Variants in MYOM3 observed in about 807,000 individuals in gnomAD.
MYOM3 encodes the protein myomesin 3, also known as myomesin-3.
Under a neutral mutation model 191.7 loss-of-function variants are expected in MYOM3, and 155 were observed. The observed-to-expected ratio is 0.81, with a 90% CI of 0.71 to 0.92. The LOEUF (loss-of-function observed/expected upper bound fraction) is 0.92, where lower values mean the gene tolerates loss of function less well. MYOM3 is among the 40% of genes least tolerant of loss of function. The pLI is 0.00. For synonymous variants in MYOM3, 757 were observed against 762.9 expected (o/e 0.99, Z 0.13); for missense variants, 1,889 against 1,890.6 (o/e 1.00, Z 0.02).
intron 5 of MYOM3, among the ~76,000 whole-genome samples, chr1:24,105,368 C>G (rs575163916): frequency 1.3e-5 from 2 of 152,346 alleles, no homozygotes; most frequent in Admixed American, 1.3e-4. Flanking sequence ...GTTCTCGCTA[C>G]AGGCGTGAGC....
At position 24,089,581 on chromosome 1, in the gene MYOM3, G is replaced by A. The variant is rs772018302; in HGVS notation, c.1571C>T (p.Pro524Leu). 10 of 1,596,758 alleles carry A rather than the reference G, an allele frequency of 6.3e-6. No homozygotes were observed. Among genetic ancestry groups the A allele is most frequent in the African/African-American group, 1.3e-5 (1 of 74,820 alleles). ...EAYVVLAWEEPSPRDRAPLTY... is the reference protein window; with the variant it reads ...EAYVVLAWEELSPRDRAPLTY... ...CAGTGGTGCTCTGTCCCGGGGGCTG[G>A]GCTCCTCCCAGGCCAGAACCACATA... Residue 524 changes from proline (P) to leucine (L), a missense_variant, in exon 14 of 37, where the codon CCC becomes CTC. Transcript: ENST00000374434.
intron 10 of MYOM3, 51 bp downstream of exon 10, chr1:24,092,896 G>T (rs369240723): frequency 1.8e-5 from 26 of 1,440,320 alleles, no homozygotes; most frequent in Non-Finnish European, 2.4e-5. Context: ...AAGGGGCAGA[G>T]CCCTGGTCTC....
At chr1:24,069,094 T>A (rs1461994990) in intron 25 of MYOM3, among the ~76,000 whole-genome samples, 1 of 152,056 alleles carries the variant, frequency 6.6e-6, no homozygotes, top group Non-Finnish European at 1.5e-5. Flanking sequence ...GAAAAAAAAA[T>A]ACTCGTGTAC....
At chr1:24,088,239 GT>G (rs969921320) in intron 14 of MYOM3, among the ~76,000 whole-genome samples, 8 of 152,070 alleles carry the variant, frequency 5.3e-5, no homozygotes, top group African/African-American at 1.7e-4. Context: ...ACGCTCTGTG[GT>G]TTTCCCCCCA....
chr1:24,097,858 G>T, intron 7 of MYOM3, 65 bp downstream of exon 7: 1 of 1,075,020 alleles, frequency 9.3e-7, no homozygotes, highest in Non-Finnish European at 1.5e-6. Context: ...GCAGACCCAT[G>T]TCCTTGTCTG....
In MYOM3 at chr1:24,108,523, G is replaced by C. The variant is rs557981430; in HGVS notation, c.114C>G (p.His38Gln). 2.5e-5 allele frequency: 39 copies of C among 1,580,354 alleles called. No homozygotes were observed. The African/African-American group carries it at 4.6e-4, about 19-fold the overall frequency. The change falls in exon 2 of 37, where the codon CAC (histidine) becomes CAG (glutamine). Residue 38 changes from histidine (H) to glutamine (Q), a missense_variant. Coordinates refer to ENST00000374434, the MANE Select transcript of MYOM3 (RefSeq NM_152372.4). ...GCACAGAGGAGCCCATGCGCAGGCT[G>C]TGCTGCCGCTCCTCCTTCTGCTCCT... ...QEEEQKEERQ[H>Q]SLRMGSSVRR...
In MYOM3 at chr1:24,108,559, G is replaced by A. The variant is rs1282656541; in HGVS notation, c.78C>T (p.His26=). 6.3e-7 allele frequency: 1 copy of A among 1,579,158 alleles called. No individual in the cohort carries two copies. The highest frequency in any genetic ancestry group is 8.6e-7 in the Non-Finnish European group (1 of 1,162,820). The change falls in exon 2 of 37, where the codon CAC becomes CAT. Residue 26 remains histidine, a synonymous_variant. Coordinates refer to ENST00000374434, the MANE Select transcript of MYOM3 (RefSeq NM_152372.4). ...CCTCCTTCTGCTCCTCCTCCTGCCG[G>A]TGCTCCAGCCTGTGAACCTCCATGG... The part of the protein sequence containing the change: ...PQAMEVHRLE[H]RQEEEQKEER...
Position 24,108,550 on chromosome 1 carries a change from C to T in MYOM3, c.87G>A (p.Glu29=), listed in dbSNP as rs774734442. Residue 29 remains glutamate (E), a synonymous_variant, in exon 2 of 37, where the codon GAG becomes GAA. Coordinates refer to ENST00000374434, the MANE Select transcript of MYOM3 (RefSeq NM_152372.4). ...MEVHRLEHRQ[E]EEQKEERQHS... is the part of the protein sequence containing the mutation. ...GCTGCCGCTCCTCCTTCTGCTCCTCCTCCTGCCGGTGCTCCAGCCTGTGAA... is the reference window on the plus strand; with the variant it reads ...GCTGCCGCTCCTCCTTCTGCTCCTCTTCCTGCCGGTGCTCCAGCCTGTGAA... 3.8e-6 allele frequency: 6 copies of T among 1,578,740 alleles called. No individual in the cohort carries two copies. In the African/African-American group the frequency reaches 8.1e-5, roughly 21 times the overall value.
In MYOM3 at chr1:24,076,230, T is replaced by C. The variant is rs1231040453; in HGVS notation, c.2630A>G (p.Gln877Arg). ...CCCCAGACCAGCTGAATTCATGGCC[T>C]GTACCTGGAACACGTAACTCTTTCC... ...QPGKSYVFQV[Q>R]AMNSAGLGQP... The change falls in exon 21 of 37, where the codon CAG (glutamine) becomes CGG (arginine). Residue 877 changes from glutamine to arginine, a missense_variant. Transcript: ENST00000374434. 6.2e-7 allele frequency: 1 copy of C among 1,614,062 alleles called. No homozygotes were observed. Among genetic ancestry groups the C allele is most frequent in the Non-Finnish European group, 8.5e-7 (1 of 1,180,026 alleles).
intron 1 of MYOM3, among the ~76,000 whole-genome samples, chr1:24,108,876 TC>T (rs1447524070): frequency 2.6e-5 from 4 of 152,134 alleles, no homozygotes; most frequent in Non-Finnish European, 5.9e-5. Flanking sequence ...CCCCATGTGC[TC>T]CCCAGCTGAG....
chr1:24,100,041 G>C lies in MYOM3; in HGVS notation c.561-266C>G, dbSNP rs1643900993. On this transcript the variant is annotated intron_variant, in intron 5 of 36. Coordinates refer to ENST00000374434, the MANE Select transcript of MYOM3 (RefSeq NM_152372.4). Reference sequence around the variant, plus strand: ...CTTCCACCACGCCCGGCTAATTTTTGTATTTCTAGTAGAGACGGAGTTTCC... The same window carrying C: ...CTTCCACCACGCCCGGCTAATTTTTCTATTTCTAGTAGAGACGGAGTTTCC... Among the ~76,000 whole-genome samples the C allele has an allele frequency of 1.3e-5, 2 of 152,060 alleles. 1 individual carries two copies. The highest frequency in any genetic ancestry group is 4.8e-5 in the African/African-American group (2 of 41,400).
At chr1:24,074,642 A>G (rs1643574623) in intron 22 of MYOM3, among the ~76,000 whole-genome samples, 1 of 152,214 alleles carries the variant, frequency 6.6e-6, no homozygotes, top group African/African-American at 2.4e-5. Context: ...CCAACTCTGC[A>G]TACTATAGAT....
At chr1:24,082,260 A>G in intron 17 of MYOM3, 72 bp from the exon 18 acceptor site, 2 of 1,366,046 alleles carry the variant, frequency 1.5e-6, no homozygotes, top group South Asian at 2.9e-5. Context: ...GGCCTGAGGG[A>G]GCTGACGAGC....
intron 1 of MYOM3, among the ~76,000 whole-genome samples, chr1:24,109,995 A>T (rs2148563979): frequency 6.6e-6 from 1 of 152,330 alleles, no homozygotes; most frequent in South Asian, 2.1e-4. Context: ...GAGGCTCAGG[A>T]AGCGGATCCA....
chr1:24,084,777 G>T, intron 15 of MYOM3, 138 bp from the exon 16 acceptor site: 2 of 787,198 alleles, frequency 2.5e-6, no homozygotes, highest in East Asian at 5.0e-5. Context: ...ACCTGCTGGG[G>T]GCTTTGGGAC....
chr1:24,109,749 A>C (rs188067217), intron 1 of MYOM3, among the ~76,000 whole-genome samples: 71 of 152,376 alleles, frequency 4.7e-4, no homozygotes, highest in African/African-American at 1.7e-3. Flanking sequence ...AAGGTCACCC[A>C]GCATGATGGT....
intron 1 of MYOM3, 37 bp from the exon 2 acceptor site, chr1:24,108,691 G>A: frequency 2.0e-5 from 29 of 1,464,316 alleles, no homozygotes; most frequent in Non-Finnish European, 2.6e-5. Flanking sequence ...TCCACCAGGT[G>A]CCCGCCTATC....
In MYOM3 at chr1:24,063,309, C is replaced by T; in HGVS notation, c.3662-75G>A. The T allele has an allele frequency of 1.4e-6, 2 of 1,428,606 alleles. No individual in the cohort carries two copies. Among genetic ancestry groups the T allele is most frequent in the East Asian group, 2.3e-5 (1 of 43,600 alleles). 88.5% of individuals were successfully genotyped at this position (1,428,606 alleles called of 1,614,324 possible). On this transcript the variant is annotated intron_variant, in intron 31 of 36. Coordinates refer to ENST00000374434, the MANE Select transcript of MYOM3 (RefSeq NM_152372.4). This position sits in a 1 kb window ranked among gnomAD's most constrained non-coding sequence, Gnocchi z 4.5. ...TCAGATTTTGGGGCCGGCTTGTCTGCCTCTGCCCTGGGGGGCAGGTGCTGT... is the reference window on the plus strand; with the variant it reads ...TCAGATTTTGGGGCCGGCTTGTCTGTCTCTGCCCTGGGGGGCAGGTGCTGT...
chr1:24,082,584 T>C lies in MYOM3; in HGVS notation c.2092+9A>G. On this transcript the variant is annotated intron_variant, in intron 17 of 36. Transcript: ENST00000374434. ...GAGGTTTGCAGGCTGGACCTGCCCT[T>C]GGACTCACCCAGAGCCTGCTTGACC... 6.3e-7 allele frequency: 1 copy of C among 1,590,970 alleles called. No homozygotes were observed. Among genetic ancestry groups the C allele is most frequent in the Non-Finnish European group, 8.5e-7 (1 of 1,170,632 alleles).
Sources: gnomAD v4.1 joint callset for allele counts (sites outside exome capture counted in the v4.1 genomes callset) on GRCh38, gnomAD v4.1.1 for gene constraint, Gnocchi (gnomAD v3.1) non-coding constraint, MANE v1.5 for transcripts, NCBI Gene and HGNC (gene_info 2026-07-23, HGNC 2026-07-21) for gene names.